ITGA1: variants seen among roughly 807,000 people sequenced by gnomAD.
ITGA1 encodes integrin subunit alpha 1, also known as integrin alpha-1.
ITGA1 carries 85 observed loss-of-function variants against 145.9 expected under a neutral mutation model. That is an observed-to-expected ratio of 0.58 (90% CI 0.49 to 0.70). The LOEUF (loss-of-function observed/expected upper bound fraction) is 0.70. ITGA1 is among the 30% of genes least tolerant of loss of function. The probability of loss-of-function intolerance (pLI) is 0.00; values close to 1 mark genes in which losing one functional copy is unlikely to be tolerated. For synonymous variants in ITGA1, 520 were observed against 495.3 expected (o/e 1.05, Z -0.66); for missense variants, 1,351 against 1,418.7 (o/e 0.95, Z 0.77).
intron 9 of ITGA1, among the ~76,000 whole-genome samples, chr5:52,895,525 A>G (rs2111826997): frequency 6.6e-6 from 1 of 152,338 alleles, no homozygotes; most frequent in South Asian, 2.1e-4. Context: ...AAATAATTTA[A>G]AAGAAAAGTT....
chr5:52,940,046 T>C (rs929722528), intron 26 of ITGA1, 102 bp downstream of exon 26: 19 of 749,386 alleles, frequency 2.5e-5, no homozygotes, highest in Non-Finnish European at 4.4e-5. Context: ...GGAAAGAATG[T>C]GCGACTGGAA....
At chr5:52,801,762 T>G (rs1748492661) in intron 1 of ITGA1, 10 of 1,614,132 alleles carry the variant, frequency 6.2e-6, no homozygotes, top group Non-Finnish European at 8.5e-6. Flanking sequence ...GCCAGTTGAC[T>G]GGGGTAGCTG....
At chr5:52,821,684 AG>A (rs1748881974) in intron 1 of ITGA1, among the ~76,000 whole-genome samples, 1 of 152,174 alleles carries the variant, frequency 6.6e-6, no homozygotes, top group African/African-American at 2.4e-5. Context: ...ATTTCTTGGA[AG>A]GGCTTATATA....
chr5:52,819,870 A>G (rs1001924154), intron 1 of ITGA1, among the ~76,000 whole-genome samples: 2 of 152,146 alleles, frequency 1.3e-5, no homozygotes, highest in East Asian at 3.9e-4. Context: ...ACATATGGCT[A>G]GCCAGTTTTC....
chr5:52,817,556 G>T (rs1000312015), intron 1 of ITGA1, among the ~76,000 whole-genome samples: 2 of 152,138 alleles, frequency 1.3e-5, no homozygotes, highest in Non-Finnish European at 2.9e-5. Context: ...TCCTTCCAAA[G>T]AAACTAAAAT....
intron 24 of ITGA1, among the ~76,000 whole-genome samples, chr5:52,938,379 G>A (rs1277689899): frequency 6.6e-6 from 1 of 152,170 alleles, no homozygotes; most frequent in Non-Finnish European, 1.5e-5. Flanking sequence ...ATCACCATAA[G>A]TATTGAATTA....
chr5:52,874,825 T>C (rs1749840254), intron 6 of ITGA1, among the ~76,000 whole-genome samples: 1 of 152,208 alleles, frequency 6.6e-6, no homozygotes, highest in Middle Eastern at 3.2e-3. Flanking sequence ...TGATGGTATG[T>C]CATAAATATA....
intron 26 of ITGA1, among the ~76,000 whole-genome samples, chr5:52,944,345 G>C (rs1361887037): frequency 6.6e-6 from 1 of 152,062 alleles, no homozygotes; most frequent in Non-Finnish European, 1.5e-5. Flanking sequence ...CCTTCTCCAG[G>C]AGCCATTTAG....
At chr5:52,892,827 G>T (rs981475907) in intron 8 of ITGA1, among the ~76,000 whole-genome samples, 23 of 151,790 alleles carry the variant, frequency 1.5e-4, no homozygotes, top group African/African-American at 5.3e-4. Context: ...GGTTGCCAGG[G>T]TTGAACGAGG....
chr5:52,803,932 G>C (rs1466179130), intron 1 of ITGA1: 1 of 151,958 alleles, frequency 6.6e-6, no homozygotes, highest in Non-Finnish European at 1.5e-5. Context: ...TGAGTATTAA[G>C]GTCTTTCAAA....
At chr5:52,900,672 G>A (rs931910907) in intron 11 of ITGA1, among the ~76,000 whole-genome samples, 3 of 152,132 alleles carry the variant, frequency 2.0e-5, no homozygotes, top group Non-Finnish European at 2.9e-5. Flanking sequence ...TAGCGATAGC[G>A]ATGAGGTCAT....
At chr5:52,920,037 G>A (rs1750707937) in intron 16 of ITGA1, among the ~76,000 whole-genome samples, 1 of 152,056 alleles carries the variant, frequency 6.6e-6, no homozygotes, top group South Asian at 2.1e-4. Context: ...ATACAGTGGT[G>A]GCCTGGCAAT....
chr5:52,815,075 C>T (rs1247003703), intron 1 of ITGA1, among the ~76,000 whole-genome samples: 1 of 152,168 alleles, frequency 6.6e-6, no homozygotes, highest in Admixed American at 6.5e-5. Context: ...TCCAATCCAG[C>T]TGTCAAACTT....
At position 52,952,861 on chromosome 5, in the gene ITGA1, CATG is replaced by C. The variant is rs1470720506; in HGVS notation, c.*412_*414del. 6.6e-6 allele frequency: 1 copy of C among 152,286 alleles called. No individual in the cohort carries two copies. Among genetic ancestry groups the C allele is most frequent in the African/African-American group, 2.4e-5 (1 of 41,394 alleles). The allele number at this position is 152,286 out of a possible 1,614,324, so 9.4% of individuals were successfully genotyped here. On this transcript the variant is annotated 3_prime_UTR_variant, in exon 29 of 29. Coordinates refer to ENST00000282588, the MANE Select transcript of ITGA1 (RefSeq NM_181501.2). ...ATTCCTGTTGGATATCCATGTTCAGCATGACAGTCAGCACTCGTAAATGCCAAG... is the reference window on the plus strand; with the variant it reads ...ATTCCTGTTGGATATCCATGTTCAGCACAGTCAGCACTCGTAAATGCCAAG...
At chr5:52,906,983 A>G (rs760247137) in intron 12 of ITGA1, among the ~76,000 whole-genome samples, 3 of 152,244 alleles carry the variant, frequency 2.0e-5, no homozygotes, top group Non-Finnish European at 4.4e-5. Context: ...CAGGCCGGCT[A>G]CAAGAGTAAC....
intron 6 of ITGA1, among the ~76,000 whole-genome samples, chr5:52,881,101 G>T (rs1384202898): frequency 6.6e-6 from 1 of 152,156 alleles, no homozygotes; most frequent in East Asian, 1.9e-4. Context: ...AGGAAAGGAA[G>T]ACAAAACAAG....
intron 8 of ITGA1, among the ~76,000 whole-genome samples, chr5:52,890,112 T>C (rs1904161): frequency 0.47 from 71,569 of 151,868 alleles, 17,240 homozygotes; most frequent in East Asian, 0.58. Flanking sequence ...CCACCCAAAT[T>C]GAGAGCTAGC....
intron 14 of ITGA1, among the ~76,000 whole-genome samples, chr5:52,910,625 G>A (rs569027320): frequency 1.6e-4 from 23 of 147,034 alleles, no homozygotes; most frequent in Non-Finnish European, 2.5e-4. Context: ...CACATAGTAT[G>A]TATATAGTAT....
At chr5:52,893,932 T>TA (rs763164303) in intron 9 of ITGA1, 92 bp downstream of exon 9, 19 of 899,842 alleles carry the variant, frequency 2.1e-5, no homozygotes, top group Non-Finnish European at 2.3e-5. Flanking sequence ...ACATCAGTAA[T>TA]ACTTTTTTTT....
Sources: gnomAD v4.1 joint callset for allele counts (sites outside exome capture counted in the v4.1 genomes callset) on GRCh38, gnomAD v4.1.1 for gene constraint, MANE v1.5 for transcripts, NCBI Gene and HGNC (gene_info 2026-07-23, HGNC 2026-07-21) for gene names.